Variants in TIMELESS observed in about 807,000 individuals in gnomAD.
TIMELESS encodes protein timeless homolog.
TIMELESS carries 124 observed loss-of-function variants against 164.3 expected under a neutral mutation model. That is an observed-to-expected ratio of 0.75 (90% CI 0.65 to 0.88). TIMELESS has a LOEUF of 0.88. Ranked by LOEUF, TIMELESS falls within the 40% of genes least tolerant of loss-of-function variation. The pLI is 0.00. For synonymous variants in TIMELESS, 564 were observed against 563.4 expected, an observed-to-expected ratio of 1.00 and a Z score of -0.02; for missense variants, 1,422 against 1,491.4, an observed-to-expected ratio of 0.95 and a Z score of 0.77.
At chr12:56,433,168 G>A in intron 5 of TIMELESS, 41 bp from the exon 6 acceptor site, 2 of 1,588,286 alleles carry the variant, frequency 1.3e-6, no homozygotes, top group South Asian at 1.1e-5. Context: ...CCCTGTGGAA[G>A]GCAGGCAGTA....
chr12:56,445,985 A>G (rs1868345453), intron 1 of TIMELESS, among the ~76,000 whole-genome samples: 1 of 152,250 alleles, frequency 6.6e-6, no homozygotes, highest in South Asian at 2.1e-4. Context: ...AGCTCCCGGC[A>G]GCCTCAACCT....
intron 12 of TIMELESS, 56 bp downstream of exon 12, chr12:56,428,493 A>G: frequency 6.2e-7 from 1 of 1,608,710 alleles, no homozygotes; most frequent in Non-Finnish European, 8.5e-7. Flanking sequence ...GGGAAGAATG[A>G]GATTCTCATC....
chr12:56,427,846 G>T (rs1309193059), intron 13 of TIMELESS, among the ~76,000 whole-genome samples: 2 of 152,164 alleles, frequency 1.3e-5, no homozygotes, highest in Admixed American at 1.3e-4. Flanking sequence ...CAAGCGCGGG[G>T]ATTACAGGTG....
chr12:56,429,708 G>A (rs1414961884), intron 10 of TIMELESS, among the ~76,000 whole-genome samples: 3 of 145,470 alleles, frequency 2.1e-5, no homozygotes, highest in Non-Finnish European at 3.0e-5. Context: ...GTAGAGATAC[G>A]GTTTCACCAT....
rs1471496015 is a variant in TIMELESS, at chr12:56,447,176, ATTTTTGT to A, written c.-62+2127_-62+2133del. ...AGGAAAATGCCACCATACCCAGCTA[ATTTTTGT>A]TTTTTTTTTTTTTTTTTTTTTTTTT... On this transcript the variant is annotated intron_variant, in intron 1 of 28. Coordinates refer to ENST00000553532, the MANE Select transcript of TIMELESS (RefSeq NM_003920.5). Among the ~76,000 whole-genome samples, 287 of 88,616 alleles carry A rather than the reference ATTTTTGT, an allele frequency of 3.2e-3. 2 individuals carry two copies. The highest frequency in any genetic ancestry group is 0.027 in the Middle Eastern group (4 of 150). 58.1% of individuals were successfully genotyped at this position (88,616 alleles called of 152,430 possible).
At chr12:56,429,477 C>A (rs1336833090) in intron 10 of TIMELESS, among the ~76,000 whole-genome samples, 2 of 143,034 alleles carry the variant, frequency 1.4e-5, no homozygotes, top group East Asian at 4.2e-4. Context: ...GTATTACAGG[C>A]GTGAGCCACT....
chr12:56,437,165 G>A (rs1342409782), intron 1 of TIMELESS, among the ~76,000 whole-genome samples: 1 of 152,082 alleles, frequency 6.6e-6, no homozygotes, highest in Non-Finnish European at 1.5e-5. Flanking sequence ...CTGACCTCAG[G>A]TGATCCACAC....
chr12:56,429,144 G>T, intron 10 of TIMELESS, 44 bp from the exon 11 acceptor site: 1 of 1,531,124 alleles, frequency 6.5e-7, no homozygotes, highest in Non-Finnish European at 8.8e-7. Context: ...TGACTCCAGG[G>T]CTTCCAACTT....
At chr12:56,429,306 C>A (rs1446176032) in intron 10 of TIMELESS, among the ~76,000 whole-genome samples, 2 of 151,322 alleles carry the variant, frequency 1.3e-5, no homozygotes, top group Non-Finnish European at 2.9e-5. Context: ...TCAAGCGATT[C>A]TCCTGCCTCA....
rs1347490173 is a variant in TIMELESS, at chr12:56,417,105, C to T, written c.*611G>A. ...GAAGGGCTGGGGAACTTAGACATAT[C>T]GCCAAGTCAGACTGAGATGAGAACT... On this transcript the variant is annotated 3_prime_UTR_variant, in exon 29 of 29. Coordinates refer to ENST00000553532, the MANE Select transcript of TIMELESS (RefSeq NM_003920.5). The T allele has an allele frequency of 6.5e-6, 1 of 152,988 alleles. No individual in the cohort carries two copies. The highest frequency in any genetic ancestry group is 2.4e-5 in the African/African-American group (1 of 41,424). 9.5% of individuals were successfully genotyped at this position (152,988 alleles called of 1,614,324 possible). A position where few individuals can be genotyped will look rare whatever the true frequency, so the allele number is the denominator to read the frequency against.
At chr12:56,436,833 C>CAAAAGGAAAGCTCCATGCTGT (rs1167722013) in intron 1 of TIMELESS, among the ~76,000 whole-genome samples, 3 of 152,128 alleles carry the variant, frequency 2.0e-5, no homozygotes, top group African/African-American at 4.8e-5. Flanking sequence ...ACCAGTCCAA[C>CAAAAGGAAAGCTCCATGCTGT]AAAAGGAAAG....
At position 56,423,564 on chromosome 12, in the gene TIMELESS, T is replaced by A. The variant is rs981661329; in HGVS notation, c.2090+20A>T. The A allele has an allele frequency of 5.0e-6, 8 of 1,613,616 alleles. No individual in the cohort carries two copies. The highest frequency in any genetic ancestry group is 5.1e-6 in the Non-Finnish European group (6 of 1,179,834). On this transcript the variant is annotated intron_variant, in intron 17 of 28. Coordinates refer to ENST00000553532, the MANE Select transcript of TIMELESS (RefSeq NM_003920.5). ...GCACAATCGCCACTCTAGGACCAAC[T>A]CAGGCCTCTCAGCCCGCACCGTTTC...
chr12:56,421,258 A>G, intron 23 of TIMELESS, 93 bp downstream of exon 23: 1 of 1,580,844 alleles, frequency 6.3e-7, no homozygotes, highest in Non-Finnish European at 8.6e-7. Context: ...TGGTCAGAAC[A>G]GCCTCAGGCA....
chr12:56,419,459 AGT>A (rs10664617), intron 26 of TIMELESS, among the ~76,000 whole-genome samples: 16 of 148,044 alleles, frequency 1.1e-4, no homozygotes, highest in East Asian at 4.0e-4. Flanking sequence ...AGACAGATGG[AGT>A]GTGTGTGTGT....
At position 56,423,837 on chromosome 12, in the gene TIMELESS, C is replaced by G; in HGVS notation, c.1926G>C (p.Glu642Asp). The G allele has an allele frequency of 1.2e-6, 2 of 1,614,216 alleles. No individual in the cohort carries two copies. The highest frequency in any genetic ancestry group is 1.1e-5 in the South Asian group (1 of 91,086). Reference protein sequence around the residue: ...FGSQDISPEEEIQLLKQILSA... With the variant: ...FGSQDISPEEDIQLLKQILSA... ...AGAGGATTTGTTTCAGCAACTGGAT[C>G]TCTTCCTCTGGAGAAATGTCTTGAG... Residue 642 changes from glutamate to aspartate, a missense_variant, in exon 16 of 29, where the codon GAG becomes GAC. By Grantham distance (45) the Glu-to-Asp change is conservative (BLOSUM62 2). Coordinates refer to ENST00000553532, the MANE Select transcript of TIMELESS (RefSeq NM_003920.5).
In TIMELESS at chr12:56,433,593, G is replaced by A; in HGVS notation, c.311C>T (p.Pro104Leu). The change falls in exon 4 of 29, where the codon CCC (proline) becomes CTC (leucine). Residue 104 changes from proline to leucine, a missense_variant. By Grantham distance (98) the Pro-to-Leu change is moderately conservative. Transcript: ENST00000553532. ...LLCFGNLPKE[P>L]SFRHHFLQVL... ...CTGCAAAAAATGGTGCCGAAAGCTG[G>A]GCTCCTTAGGCAGATTGCCAAAACA... 6.2e-7 allele frequency: 1 copy of A among 1,614,210 alleles called. No individual in the cohort carries two copies. The highest frequency in any genetic ancestry group is 1.1e-5 in the South Asian group (1 of 91,090).
intron 1 of TIMELESS, among the ~76,000 whole-genome samples, chr12:56,438,295 T>C (rs958992674): frequency 1.3e-5 from 2 of 152,148 alleles, no homozygotes; most frequent in Non-Finnish European, 2.9e-5. Flanking sequence ...TCTGCCCGTC[T>C]TGGCCTCACA....
chr12:56,427,503 A>G (rs1473291246), intron 13 of TIMELESS, among the ~76,000 whole-genome samples: 1 of 152,238 alleles, frequency 6.6e-6, no homozygotes, highest in African/African-American at 2.4e-5. Context: ...GGAGACCGAC[A>G]CGACCAGCTT....
At chr12:56,432,971 A>G in intron 6 of TIMELESS, 55 bp downstream of exon 6, 1 of 1,245,874 alleles carries the variant, frequency 8.0e-7, no homozygotes. Flanking sequence ...AAAAAAAAAA[A>G]AAAGGCAGCT....
Sources: gnomAD v4.1 joint callset for allele counts (sites outside exome capture counted in the v4.1 genomes callset) on GRCh38, gnomAD v4.1.1 for gene constraint, MANE v1.5 for transcripts, NCBI Gene and HGNC (gene_info 2026-07-23, HGNC 2026-07-21) for gene names.